SYK: variants seen among roughly 807,000 people sequenced by gnomAD.
SYK encodes spleen associated tyrosine kinase.
Under a neutral mutation model 77.8 loss-of-function variants are expected in SYK, and 16 were observed. The ratio of observed to expected loss-of-function variants is 0.21; its 90% confidence interval spans 0.14 to 0.31. SYK has a LOEUF of 0.31. Among genes scored for constraint, SYK ranks in the 10% least tolerant of loss-of-function variants. The probability of loss-of-function intolerance (pLI) is 1.00; values close to 1 mark genes in which losing one functional copy is unlikely to be tolerated. For missense variants in SYK, 529 were observed against 814.4 expected, an observed-to-expected ratio of 0.65 and a Z score of 4.26; for synonymous variants, 312 against 308.7, an observed-to-expected ratio of 1.01 and a Z score of -0.11.
At chr9:90,866,459 T>C (rs1417522620) in intron 6 of SYK, among the ~76,000 whole-genome samples, 1 of 152,172 alleles carries the variant, frequency 6.6e-6, no homozygotes, top group South Asian at 2.1e-4. Flanking sequence ...GTAATGCCTT[T>C]ATGGAAGTGT....
At chr9:90,833,724 C>A (rs755069532) in intron 1 of SYK, among the ~76,000 whole-genome samples, 1 of 152,206 alleles carries the variant, frequency 6.6e-6, no homozygotes, top group Non-Finnish European at 1.5e-5. Context: ...TAAGGTAGAA[C>A]TACACAAATG....
chr9:90,840,253 C>T (rs560199763), intron 1 of SYK, among the ~76,000 whole-genome samples: 20 of 152,270 alleles, frequency 1.3e-4, no homozygotes, highest in African/African-American at 4.1e-4. Flanking sequence ...GCATCCGCAT[C>T]ACCAGGATTG....
In SYK at chr9:90,897,496, A is replaced by T. The variant is rs1829034973; in HGVS notation, c.*1896A>T. ...GTAAAGTGGTGACTGCATCTGAGAA[A>T]GAGGCTGTGAGGCTGAACTCTTGGT... On this transcript the variant is annotated 3_prime_UTR_variant, in exon 14 of 14. Coordinates refer to ENST00000375754, the MANE Select transcript of SYK (RefSeq NM_003177.7). The T allele has an allele frequency of 4.3e-6, 1 of 232,358 alleles. No individual in the cohort carries two copies. The allele number at this position is 232,358 out of a possible 1,614,324, so 14.4% of individuals were successfully genotyped here. A position where few individuals can be genotyped will look rare whatever the true frequency, so the allele number is the denominator to read the frequency against.
At chr9:90,853,862 A>G (rs1826912642) in intron 3 of SYK, among the ~76,000 whole-genome samples, 1 of 152,116 alleles carries the variant, frequency 6.6e-6, no homozygotes, top group African/African-American at 2.4e-5. Context: ...CCTAAAACTT[A>G]AAGTATAATA....
At chr9:90,884,796 TAC>T (rs1234866367) in intron 11 of SYK, among the ~76,000 whole-genome samples, 1 of 76,154 alleles carries the variant, frequency 1.3e-5, no homozygotes, top group Admixed American at 1.4e-4. Context: ...CATGCACATA[TAC>T]ACATATGTGT....
At chr9:90,848,463 A>G (rs1826683190) in intron 3 of SYK, among the ~76,000 whole-genome samples, 1 of 152,220 alleles carries the variant, frequency 6.6e-6, no homozygotes, top group Non-Finnish European at 1.5e-5. Context: ...CTACTTGCAG[A>G]TAGTTTTATA....
At chr9:90,841,548 G>A (rs1216076635) in intron 1 of SYK, among the ~76,000 whole-genome samples, 1 of 103,516 alleles carries the variant, frequency 9.7e-6, no homozygotes, top group Admixed American at 9.2e-5. Flanking sequence ...GGGGGTGTAT[G>A]TGTGTGGTGT....
chr9:90,860,196 TA>T (rs1460769023), intron 3 of SYK, among the ~76,000 whole-genome samples: 2 of 152,348 alleles, frequency 1.3e-5, no homozygotes, highest in East Asian at 3.9e-4. Context: ...GTCACAGACG[TA>T]AAAGATTAAA....
chr9:90,829,270 C>G (rs1293195751), intron 1 of SYK, among the ~76,000 whole-genome samples: 1 of 145,390 alleles, frequency 6.9e-6, no homozygotes, highest in Non-Finnish European at 1.5e-5. Context: ...GCTGGGGTGA[C>G]AGAATAAGAC....
At chr9:90,826,640 A>G (rs1825675699) in intron 1 of SYK, among the ~76,000 whole-genome samples, 1 of 152,148 alleles carries the variant, frequency 6.6e-6, no homozygotes, top group Admixed American at 6.5e-5. Flanking sequence ...GTTCCTTTTT[A>G]TCTTGCGTTT....
In SYK at chr9:90,862,193, T is replaced by G; in HGVS notation, c.579-13T>G. 6.2e-7 allele frequency: 1 copy of G among 1,602,260 alleles called. No individual in the cohort carries two copies. Among genetic ancestry groups the G allele is most frequent in the Non-Finnish European group, 8.5e-7 (1 of 1,173,074 alleles). On this transcript the variant is annotated splice_polypyrimidine_tract_variant and intron_variant, in intron 3 of 13. Coordinates refer to ENST00000375754, the MANE Select transcript of SYK (RefSeq NM_003177.7). ...CGGGCCTGGGGATGATGCAGTTCCA[T>G]CCTCTCTTCTAGGATCCGAGCCAGA...
At position 90,805,015 on chromosome 9, in the gene SYK, T is replaced by C. The variant is rs138583670; in HGVS notation, c.-42+3122T>C. 9.1e-4 allele frequency among the ~76,000 whole-genome samples: 139 copies of C among 152,272 alleles called. 1 individual carries two copies. The highest frequency in any genetic ancestry group is 3.3e-3 in the African/African-American group (136 of 41,558). On this transcript the variant is annotated intron_variant, in intron 1 of 13. Coordinates refer to ENST00000375754, the MANE Select transcript of SYK (RefSeq NM_003177.7). Reference sequence around the variant, plus strand: ...TTGCCCTACATCTCTTAAAAGGTGGTTAAACTGGAATCTTAAAGACAGTTG... The same window carrying C: ...TTGCCCTACATCTCTTAAAAGGTGGCTAAACTGGAATCTTAAAGACAGTTG...
At position 90,843,963 on chromosome 9, in the gene SYK, G is replaced by A. The variant is rs140421546; in HGVS notation, c.65G>A (p.Arg22Gln). 1 of 1,593,150 alleles carries A rather than the reference G, an allele frequency of 6.3e-7. No homozygotes were observed. The highest frequency in any genetic ancestry group is 1.1e-5 in the South Asian group (1 of 87,844). Residue 22 changes from arginine to glutamine, a missense_variant, in exon 2 of 14, where the codon CGG (arginine) becomes CAG (glutamine). Arg to Gln is a conservative substitution (Grantham distance 43). Transcript: ENST00000375754. ...HLPFFFGNIT[R>Q]EEAEDYLVQG... ...CCCTTCTTTTTCGGCAACATCACCC[G>A]GGAGGAGGCAGAAGATTACCTGGTC...
Position 90,895,594 on chromosome 9 carries a change from G to C in SYK, c.1902G>C (p.Val634=). ...LRLRNYYYDV[V]N ...TGCGCAATTACTACTATGACGTGGT[G>C]AACTAACCGCTCCCGCACCTGTCGG... Residue 634 remains valine (V), a synonymous_variant, in exon 14 of 14, where the codon GTG becomes GTC. Coordinates refer to ENST00000375754, the MANE Select transcript of SYK (RefSeq NM_003177.7). The surrounding 1 kb of genome is among the most constrained non-coding windows in gnomAD (Gnocchi z 4.4). 6.2e-7 allele frequency: 1 copy of C among 1,614,040 alleles called. No homozygotes were observed. The highest frequency in any genetic ancestry group is 8.5e-7 in the Non-Finnish European group (1 of 1,179,980).
At chr9:90,836,947 A>T (rs1390421735) in intron 1 of SYK, among the ~76,000 whole-genome samples, 1 of 152,248 alleles carries the variant, frequency 6.6e-6, no homozygotes, top group Non-Finnish European at 1.5e-5. Flanking sequence ...ACAGTACAGT[A>T]TTGTAAACAT....
At chr9:90,890,100 T>C (rs1001668788) in intron 13 of SYK, among the ~76,000 whole-genome samples, 7 of 152,236 alleles carry the variant, frequency 4.6e-5, no homozygotes, top group Non-Finnish European at 7.3e-5. Context: ...ACGTTGATGC[T>C]GATCTATGTA....
intron 7 of SYK, among the ~76,000 whole-genome samples, chr9:90,872,196 T>G (rs1827756313): frequency 6.6e-6 from 1 of 152,220 alleles, no homozygotes; most frequent in Non-Finnish European, 1.5e-5. Flanking sequence ...GAAGTCCTCC[T>G]GGTCTGGAGA....
intron 1 of SYK, among the ~76,000 whole-genome samples, chr9:90,816,457 A>T (rs1286838008): frequency 1.3e-5 from 2 of 152,268 alleles, no homozygotes; most frequent in African/African-American, 4.8e-5. Context: ...AACTGTGTGG[A>T]TGTAACTCTT....
chr9:90,867,062 G>A, intron 6 of SYK, 69 bp from the exon 7 acceptor site: 1 of 1,574,522 alleles, frequency 6.4e-7, no homozygotes, highest in Non-Finnish European at 8.7e-7. Flanking sequence ...TAAGTAGCAT[G>A]TCGTGGAAGG....
Sources: allele counts gnomAD v4.1 joint callset (sites outside exome capture counted in the v4.1 genomes callset), GRCh38; gene constraint gnomAD v4.1.1; non-coding constraint Gnocchi (gnomAD v3.1); transcripts MANE v1.5; gene names NCBI Gene and HGNC (gene_info 2026-07-23, HGNC 2026-07-21).